Variants in C17orf99 observed in about 807,000 individuals in gnomAD.
C17orf99 encodes the protein protein IL-40.
A neutral mutation model predicts 22.6 loss-of-function variants in C17orf99; 18 were observed. The ratio of observed to expected loss-of-function variants is 0.80; its 90% CI spans 0.55 to 1.18. C17orf99 has a LOEUF of 1.18. Ranked by LOEUF, C17orf99 falls within the 50% of genes most tolerant of loss-of-function variation. The pLI, the probability that C17orf99 is intolerant of heterozygous loss-of-function variation, is 0.00. For synonymous variants in C17orf99, 147 were observed against 136.6 expected, an observed-to-expected ratio of 1.08 and a Z score of -0.53; for missense variants, 328 against 342.7, an observed-to-expected ratio of 0.96 and a Z score of 0.34.
intron 2 of C17orf99, among the ~76,000 whole-genome samples, chr17:78,152,885 C>T (rs2075496230): frequency 6.6e-6 from 1 of 151,850 alleles, no homozygotes; most frequent in African/African-American, 2.4e-5. Flanking sequence ...AGTTGTAGAC[C>T]AGCCTGGCCA....
chr17:78,161,357 C>A, intron 3 of C17orf99, 103 bp downstream of exon 3: 2 of 1,059,930 alleles, frequency 1.9e-6, no homozygotes, highest in Non-Finnish European at 1.4e-6. Context: ...TTAGAGAGAG[C>A]CAGGGTGTGA....
intron 2 of C17orf99, chr17:78,160,225 C>T (rs1413281103): frequency 2.3e-6 from 1 of 432,184 alleles, no homozygotes; most frequent in Admixed American, 2.6e-5. Flanking sequence ...TTCAGGGGTA[C>T]ATGTGCAGGT....
chr17:78,157,594 C>T lies in C17orf99; in HGVS notation c.71-3361C>T, dbSNP rs961534371. ...CAGGCGGATCACAAGGTCAGGAGAT[C>T]GAAACCATCCTGGCTAAAATGGTGA... On this transcript the variant is annotated intron_variant, in intron 2 of 4. Transcript: ENST00000340363. The T allele has an allele frequency of 1.9e-4, 104 of 558,462 alleles. No homozygotes were observed. In the African/African-American group the frequency reaches 1.9e-3, roughly 10 times the overall value. 34.6% of individuals were successfully genotyped at this position (558,462 alleles called of 1,614,324 possible).
chr17:78,164,236 A>C lies in C17orf99; in HGVS notation c.512A>C (p.Gln171Pro), dbSNP rs894372214. 4 of 1,551,456 alleles carry C rather than the reference A, an allele frequency of 2.6e-6. No individual in the cohort carries two copies. The African/African-American group carries it at 5.5e-5, about 21-fold the overall frequency. Residue 171 changes from glutamine (Q) to proline (P), a missense_variant, in exon 4 of 5, where the codon CAG (glutamine) becomes CCG (proline). Coordinates refer to ENST00000340363, the MANE Select transcript of C17orf99 (RefSeq NM_001163075.2). ...GGGAAGGATGGGCAGGTCCACCTGCAGCAGAGACCATGCCACAGGCAGCCT... is the reference window on the plus strand; with the variant it reads ...GGGAAGGATGGGCAGGTCCACCTGCCGCAGAGACCATGCCACAGGCAGCCT... ...LIGKDGQVHLQQRPCHRQPAN... is the reference protein window; with the variant it reads ...LIGKDGQVHLPQRPCHRQPAN...
intron 2 of C17orf99, among the ~76,000 whole-genome samples, chr17:78,150,547 C>G (rs781474472): frequency 1.2e-4 from 19 of 152,080 alleles, no homozygotes; most frequent in Non-Finnish European, 1.9e-4. Context: ...TAATTGTAAC[C>G]CAGAAGACAG....
intron 2 of C17orf99, among the ~76,000 whole-genome samples, chr17:78,153,921 T>TC (rs1213318811): frequency 1.3e-5 from 1 of 77,476 alleles, no homozygotes; most frequent in Non-Finnish European, 2.1e-5. Flanking sequence ...ATTCCTTCTT[T>TC]TTTTTTTTTT....
chr17:78,164,800 C>T (rs2292235), intron 4 of C17orf99: 14 of 1,246,540 alleles, frequency 1.1e-5, no homozygotes, highest in African/African-American at 1.6e-5. Flanking sequence ...CGGCCATCAC[C>T]GCTTACGCAT....
chr17:78,146,321 G>A (rs2310998), upstream of C17orf99: 705,451 of 1,275,764 alleles, frequency 0.55, 199,998 homozygotes, highest in African/African-American at 0.73. This position sits in a 1 kb window ranked among gnomAD's most constrained non-coding sequence, Gnocchi z 5.2. Flanking sequence ...CACCCACCCA[G>A]GGAGCATCCC....
intron 2 of C17orf99, chr17:78,158,255 G>T: frequency 1.8e-6 from 1 of 554,022 alleles, no homozygotes. Context: ...CCCCCAGGCT[G>T]GCTTGGCTCT....
At chr17:78,158,201 A>G in intron 2 of C17orf99, 1 of 690,780 alleles carries the variant, frequency 1.4e-6, no homozygotes, top group Non-Finnish European at 2.6e-6. Flanking sequence ...CAAGGCTCCC[A>G]GGGTGGCGGT....
chr17:78,156,892 C>T (rs926725528), intron 2 of C17orf99, among the ~76,000 whole-genome samples: 12 of 150,356 alleles, frequency 8.0e-5, no homozygotes, highest in South Asian at 4.2e-4. Flanking sequence ...GGATTCCAGG[C>T]GCAGTGGCCA....
At chr17:78,156,332 G>GAAAAGA (rs2075524926) in intron 2 of C17orf99, among the ~76,000 whole-genome samples, 3 of 63,390 alleles carry the variant, frequency 4.7e-5, no homozygotes, top group African/African-American at 1.7e-4. Context: ...TCCTTCTCCA[G>GAAAAGA]AAAAAAAAAA....
At chr17:78,149,575 C>T (rs2075462961) in intron 2 of C17orf99, among the ~76,000 whole-genome samples, 1 of 152,098 alleles carries the variant, frequency 6.6e-6, no homozygotes, top group South Asian at 2.1e-4. Flanking sequence ...GTTCTGTCAC[C>T]AAGGCTAAAG....
chr17:78,165,826 G>T, intron 4 of C17orf99, 63 bp from the exon 5 acceptor site: 1 of 1,277,148 alleles, frequency 7.8e-7, no homozygotes, highest in Non-Finnish European at 1.0e-6. Context: ...ACTCTCAGAC[G>T]CCTCGGGAGG....
chr17:78,165,875 A>C lies in C17orf99; in HGVS notation c.641-14A>C. 1 of 1,323,830 alleles carries C rather than the reference A, an allele frequency of 7.6e-7. No homozygotes were observed. Among genetic ancestry groups the C allele is most frequent in the Admixed American group, 3.2e-5 (1 of 31,240 alleles). The allele number at this position is 1,323,830 out of a possible 1,614,324, so 82.0% of individuals were successfully genotyped here. Reference sequence around the variant, plus strand: ...GTGAGCCTGCCTGACTTGAGTCTCCACTGCTTTGTCAAGGTGGTGACCAGA... The same window carrying C: ...GTGAGCCTGCCTGACTTGAGTCTCCCCTGCTTTGTCAAGGTGGTGACCAGA... On this transcript the variant is annotated splice_polypyrimidine_tract_variant and intron_variant, in intron 4 of 4. Coordinates refer to ENST00000340363, the MANE Select transcript of C17orf99 (RefSeq NM_001163075.2).
chr17:78,154,786 G>A (rs1392350323), intron 2 of C17orf99, among the ~76,000 whole-genome samples: 1 of 152,128 alleles, frequency 6.6e-6, no homozygotes, highest in African/African-American at 2.4e-5. Context: ...AGGTTGTGGT[G>A]AGACGAGATC....
intron 2 of C17orf99, chr17:78,157,848 G>C (rs62079082): frequency 7.2e-6 from 7 of 970,494 alleles, no homozygotes; most frequent in East Asian, 5.6e-5. Flanking sequence ...GTACTCAAAG[G>C]CCGGCCACGT....
intron 2 of C17orf99, among the ~76,000 whole-genome samples, chr17:78,150,112 C>A (rs2075469735): frequency 6.6e-6 from 1 of 151,966 alleles, no homozygotes; most frequent in Non-Finnish European, 1.5e-5. Context: ...AGGCTCAAGC[C>A]ATCATCCCGC....
In C17orf99 at chr17:78,146,548, G is replaced by A. The variant is rs968155000; in HGVS notation, c.37+104G>A. On this transcript the variant is annotated intron_variant, in intron 1 of 4. Coordinates refer to ENST00000340363, the MANE Select transcript of C17orf99 (RefSeq NM_001163075.2). The surrounding 1 kb of genome is among the most constrained non-coding windows in gnomAD (Gnocchi z 5.2). ...ACAGGAGAGATGAGGCCTGAAGGAA[G>A]GGCACCTCTGGAAACATGGACAGAG... 81 of 1,026,242 alleles carry A rather than the reference G, an allele frequency of 7.9e-5. No homozygotes were observed. Among genetic ancestry groups the A allele is most frequent in the Non-Finnish European group, 1.0e-4 (71 of 682,350 alleles). 63.6% of individuals were successfully genotyped at this position (1,026,242 alleles called of 1,614,324 possible). A position where few individuals can be genotyped will look rare whatever the true frequency, so the allele number is the denominator to read the frequency against.
Sources: allele counts gnomAD v4.1 joint callset (sites outside exome capture counted in the v4.1 genomes callset), GRCh38; gene constraint gnomAD v4.1.1; non-coding constraint Gnocchi (gnomAD v3.1); transcripts MANE v1.5; gene names NCBI Gene and HGNC (gene_info 2026-07-23, HGNC 2026-07-21).